The following DRC9 variants were observed in gnomAD, a reference collection of about 807,000 sequenced individuals.
DRC9 encodes the protein dynein regulatory complex subunit 9.
chr3:197,926,894 C>A, the DRC9 span, among the ~76,000 whole-genome samples: 2 of 152,176 alleles, frequency 1.3e-5, no homozygotes, highest in Non-Finnish European at 2.9e-5. Flanking sequence ...CTGATAAAAT[C>A]TTTGCATGAA....
the DRC9 span, among the ~76,000 whole-genome samples, chr3:197,934,536 T>A: frequency 2.0e-5 from 3 of 152,128 alleles, no homozygotes; most frequent in East Asian, 5.8e-4. Context: ...ACATTCACAT[T>A]TTTGAGATGA....
the DRC9 span, among the ~76,000 whole-genome samples, chr3:197,951,940 G>T: frequency 1.3e-5 from 2 of 152,040 alleles, no homozygotes; most frequent in Non-Finnish European, 2.9e-5. Flanking sequence ...CTTCTATTTT[G>T]CGTCATTAAG....
the DRC9 span, chr3:197,950,838 C>T: frequency 2.8e-6 from 3 of 1,064,126 alleles, no homozygotes; most frequent in South Asian, 1.3e-5. Context: ...ATGAAACTCC[C>T]ATCCAAAAGG....
the DRC9 span, chr3:197,955,949 A>T: frequency 1.6e-6 from 1 of 629,846 alleles, no homozygotes; most frequent in Non-Finnish European, 2.9e-6. Flanking sequence ...GGGCGAGTAC[A>T]GAGATTTAGA....
the DRC9 span, among the ~76,000 whole-genome samples, chr3:197,896,982 C>CT: frequency 2.8e-4 from 43 of 152,218 alleles, 1 homozygote; most frequent in South Asian, 8.1e-3. Flanking sequence ...GGTGGGGACA[C>CT]TGAACCGAAC....
chr3:197,920,248 GCTGT>G, the DRC9 span, among the ~76,000 whole-genome samples: 1 of 151,736 alleles, frequency 6.6e-6, no homozygotes, highest in Non-Finnish European at 1.5e-5. Context: ...ATTTCTATTT[GCTGT>G]CTATGACTTA....
At chr3:197,957,279 C>G in the DRC9 span, 2 of 152,162 alleles carry the variant, frequency 1.3e-5, no homozygotes, top group Non-Finnish European at 2.9e-5. Context: ...ATATACTGAC[C>G]CAAGAGAAAG....
At chr3:197,892,815 T>G in the DRC9 span, 1 of 1,600,862 alleles carries the variant, frequency 6.2e-7, no homozygotes, top group South Asian at 1.1e-5. Flanking sequence ...CGCTGTATAC[T>G]GTATGATTCC....
chr3:197,917,833 C>T, the DRC9 span, among the ~76,000 whole-genome samples: 18 of 149,182 alleles, frequency 1.2e-4, no homozygotes, highest in African/African-American at 3.0e-4. Flanking sequence ...CGGGTTCAAG[C>T]GATTCTCCTG....
the DRC9 span, among the ~76,000 whole-genome samples, chr3:197,932,979 G>A: frequency 1.0e-5 from 1 of 96,164 alleles, no homozygotes; most frequent in African/African-American, 6.4e-5. Flanking sequence ...ATATTATATT[G>A]TATTATATAT....
At chr3:197,922,126 C>CT in the DRC9 span, among the ~76,000 whole-genome samples, 1 of 152,144 alleles carries the variant, frequency 6.6e-6, no homozygotes, top group Admixed American at 6.6e-5. Context: ...TTCTTTCTTT[C>CT]TTTTTTTAAG....
the DRC9 span, among the ~76,000 whole-genome samples, chr3:197,944,254 CT>C: frequency 2.7e-3 from 383 of 144,014 alleles, 1 homozygote; most frequent in Non-Finnish European, 4.3e-3. Flanking sequence ...ACAACTTACT[CT>C]TTTTTTTTTT....
chr3:197,889,483 G>A, the DRC9 span: 22 of 1,383,048 alleles, frequency 1.6e-5, no homozygotes, highest in African/African-American at 3.0e-4. Flanking sequence ...GAAACAACCT[G>A]TAGATGAGTC....
the DRC9 span, chr3:197,892,837 T>C: frequency 4.5e-6 from 7 of 1,551,598 alleles, no homozygotes; most frequent in Non-Finnish European, 6.2e-6. Flanking sequence ...CTTATACGAG[T>C]TTCAAGATTA....
chr3:197,912,795 G>A, the DRC9 span: 3 of 1,489,604 alleles, frequency 2.0e-6, no homozygotes, highest in Admixed American at 3.4e-5. Context: ...GCAGGGCTGG[G>A]AATCAGAAGT....
At chr3:197,950,744 C>T in the DRC9 span, 1 of 603,860 alleles carries the variant, frequency 1.7e-6, no homozygotes, top group South Asian at 2.1e-5. Flanking sequence ...TGCTTAGATA[C>T]CAGCTGTTCT....
At chr3:197,957,652 G>T in the DRC9 span, 1 of 152,052 alleles carries the variant, frequency 6.6e-6, no homozygotes, top group Non-Finnish European at 1.5e-5. Flanking sequence ...CTTCAAGGCC[G>T]GAAGTTGGAA....
At chr3:197,893,677 A>G in the DRC9 span, among the ~76,000 whole-genome samples, 1 of 145,640 alleles carries the variant, frequency 6.9e-6, no homozygotes, top group Non-Finnish European at 1.5e-5. Context: ...CCCTGCCTCT[A>G]CTAAAACTAC....
chr3:197,910,402 A>G, the DRC9 span, among the ~76,000 whole-genome samples: 4 of 152,208 alleles, frequency 2.6e-5, no homozygotes, highest in Non-Finnish European at 4.4e-5. Context: ...CCATTTATCT[A>G]CCAACTCACT....
Sources: allele counts gnomAD v4.1 joint callset (sites outside exome capture counted in the v4.1 genomes callset), GRCh38; gene constraint gnomAD v4.1.1; transcripts MANE v1.5; gene names NCBI Gene and HGNC (gene_info 2026-07-23, HGNC 2026-07-21).